The following TASP1 variants were observed in gnomAD, a reference collection of about 807,000 sequenced individuals.
The protein encoded by TASP1 is threonine aspartase 1.
Under a neutral mutation model 56.6 loss-of-function variants are expected in TASP1, and 16 were observed. The ratio of observed to expected loss-of-function variants is 0.28; its 90% CI spans 0.19 to 0.43. The LOEUF is 0.43. TASP1 is among the 20% of genes least tolerant of loss of function. The probability of loss-of-function intolerance (pLI) is 1.00; values close to 1 mark genes in which losing one functional copy is unlikely to be tolerated. For synonymous variants in TASP1, 179 were observed against 184.2 expected (o/e 0.97, Z 0.23); for missense variants, 393 against 511.6 (o/e 0.77, Z 2.24).
At chr20:13,256,395 C>CAAAA in the TASP1 span, among the ~76,000 whole-genome samples, 3 of 71,778 alleles carry the variant, frequency 4.2e-5, no homozygotes, top group African/African-American at 5.0e-5. Context: ...GACCCCGTCT[C>CAAAA]AAAAAAAAAA....
At chr20:13,512,472 G>A (rs554707631) in intron 10 of TASP1, among the ~76,000 whole-genome samples, 39 of 152,242 alleles carry the variant, frequency 2.6e-4, no homozygotes, top group Non-Finnish European at 5.0e-4. Flanking sequence ...TTGTAAATTT[G>A]TTGGAGTTCT....
the TASP1 span, among the ~76,000 whole-genome samples, chr20:13,219,368 C>A: frequency 6.6e-6 from 1 of 152,100 alleles, no homozygotes; most frequent in Non-Finnish European, 1.5e-5. Context: ...CAGGAGGATC[C>A]TTCCAGGATT....
chr20:13,200,081 A>C, the TASP1 span, among the ~76,000 whole-genome samples: 23 of 152,258 alleles, frequency 1.5e-4, no homozygotes, highest in Admixed American at 3.9e-4. Flanking sequence ...AAACAAAAAA[A>C]TAGAACACTT....
At chr20:13,123,353 G>C in the TASP1 span, among the ~76,000 whole-genome samples, 1 of 150,996 alleles carries the variant, frequency 6.6e-6, no homozygotes, top group Admixed American at 6.6e-5. Flanking sequence ...GTCACCAACT[G>C]CATCAGGTAT....
the TASP1 span, among the ~76,000 whole-genome samples, chr20:13,105,994 G>A: frequency 1.3e-5 from 2 of 152,084 alleles, no homozygotes; most frequent in Non-Finnish European, 2.9e-5. Context: ...TTTATTAACT[G>A]AAAATTTCAA....
Position 13,623,506 on chromosome 20 carries a change from T to C in TASP1, c.222A>G (p.Glu74=). The C allele has an allele frequency of 6.3e-7, 1 of 1,598,588 alleles. No individual in the cohort carries two copies. Among genetic ancestry groups the C allele is most frequent in the Non-Finnish European group, 8.6e-7 (1 of 1,166,528 alleles). Residue 74 remains glutamate, a synonymous_variant, in exon 4 of 14, where the codon GAA becomes GAG. Transcript: ENST00000337743. ...TTGCAAGAGCACCGGCCTGCAGCTT[T>C]TCAATTGCCTATGAAACCAAGGGGA... The part of the protein sequence containing the change: ...VCKRACQKAI[E]KLQAGALATD...
chr20:13,313,001 C>T, the TASP1 span, among the ~76,000 whole-genome samples: 2 of 152,166 alleles, frequency 1.3e-5, no homozygotes, highest in Admixed American at 6.5e-5. Flanking sequence ...ATTTGAGCCT[C>T]ATCTGCGCAT....
At chr20:13,498,278 A>G (rs4814239) in intron 10 of TASP1, among the ~76,000 whole-genome samples, 1 of 151,464 alleles carries the variant, frequency 6.6e-6, no homozygotes, top group Non-Finnish European at 1.5e-5. Flanking sequence ...TAAAAACAAA[A>G]AATCCCATTA....
intron 13 of TASP1, chr20:13,393,240 G>C: frequency 1.4e-6 from 1 of 733,440 alleles, no homozygotes; most frequent in South Asian, 1.4e-5. Flanking sequence ...GACTGTGGAT[G>C]GCCCCTCCGG....
At chr20:13,524,906 G>A (rs765839080) in intron 10 of TASP1, among the ~76,000 whole-genome samples, 20 of 152,076 alleles carry the variant, frequency 1.3e-4, no homozygotes, top group African/African-American at 3.6e-4. Flanking sequence ...GAAGGATTAC[G>A]GTGTGATACA....
intron 1 of TASP1, among the ~76,000 whole-genome samples, chr20:13,631,368 G>A (rs529094956): frequency 6.6e-6 from 1 of 152,228 alleles, no homozygotes; most frequent in South Asian, 2.1e-4. Context: ...TTTTGTGGTG[G>A]TGTGTTTTGT....
At chr20:13,580,397 T>C (rs2047078351) in intron 6 of TASP1, among the ~76,000 whole-genome samples, 1 of 152,076 alleles carries the variant, frequency 6.6e-6, no homozygotes, top group African/African-American at 2.4e-5. Context: ...CAGTGAGCCA[T>C]GACTGTGCCA....
At chr20:13,438,686 A>G (rs1286921157) in intron 11 of TASP1, among the ~76,000 whole-genome samples, 3 of 152,260 alleles carry the variant, frequency 2.0e-5, no homozygotes, top group Non-Finnish European at 4.4e-5. Flanking sequence ...GCTTCTGCAC[A>G]GCAAAAGAAA....
intron 10 of TASP1, among the ~76,000 whole-genome samples, chr20:13,499,669 T>A (rs1259693112): frequency 6.6e-6 from 1 of 152,084 alleles, no homozygotes; most frequent in East Asian, 1.9e-4. Flanking sequence ...ATGGAGTCTT[T>A]GATGCTGAAT....
chr20:13,409,569 A>G (rs901818132), intron 13 of TASP1, among the ~76,000 whole-genome samples: 13 of 152,046 alleles, frequency 8.6e-5, no homozygotes, highest in African/African-American at 3.1e-4. Flanking sequence ...TCTAATTTTT[A>G]TCTCATTTAA....
At chr20:13,339,210 C>T in the TASP1 span, among the ~76,000 whole-genome samples, 2 of 152,158 alleles carry the variant, frequency 1.3e-5, no homozygotes, top group Non-Finnish European at 2.9e-5. Flanking sequence ...AGCAAAACTT[C>T]CCTTTGACAC....
the TASP1 span, among the ~76,000 whole-genome samples, chr20:13,124,063 G>T: frequency 6.6e-6 from 1 of 152,208 alleles, no homozygotes; most frequent in African/African-American, 2.4e-5. Flanking sequence ...CCCTGTGGCT[G>T]ATGAATTCAG....
chr20:13,542,657 A>G (rs2045665471), intron 8 of TASP1, among the ~76,000 whole-genome samples: 1 of 152,216 alleles, frequency 6.6e-6, no homozygotes, highest in South Asian at 2.1e-4. Flanking sequence ...CTCTGACTAT[A>G]ATACAATTAA....
chr20:13,304,407 GT>G, the TASP1 span, among the ~76,000 whole-genome samples: 1 of 152,158 alleles, frequency 6.6e-6, no homozygotes, highest in East Asian at 1.9e-4. Context: ...TTGTACTATA[GT>G]GCTAAGCTGG....
Sources: gnomAD v4.1 joint callset for allele counts (sites outside exome capture counted in the v4.1 genomes callset) on GRCh38, gnomAD v4.1.1 for gene constraint, MANE v1.5 for transcripts, NCBI Gene and HGNC (gene_info 2026-07-23, HGNC 2026-07-21) for gene names.